The following CDK12 variants were observed in gnomAD, a reference collection of about 807,000 sequenced individuals.
CDK12 encodes cyclin-dependent kinase 12.
CDK12 carries 17 observed loss-of-function variants against 133.8 expected under a neutral mutation model. The ratio of observed to expected loss-of-function variants is 0.13; its 90% CI spans 0.09 to 0.19. CDK12 has a LOEUF of 0.19. Among genes scored for constraint, CDK12 ranks in the 10% least tolerant of loss-of-function variants. The pLI, the probability that CDK12 is intolerant of heterozygous loss-of-function variation, is 1.00. For synonymous variants in CDK12, 694 were observed against 683.6 expected (o/e 1.02, Z -0.24); for missense variants, 1,508 against 1,818.7 (o/e 0.83, Z 3.11).
chr17:39,463,202 C>T (rs2049069397), intron 1 of CDK12, 85 bp downstream of exon 1: 1 of 1,192,404 alleles, frequency 8.4e-7, no homozygotes, highest in Non-Finnish European at 1.2e-6. Flanking sequence ...GTCTGGAAGC[C>T]CGCAGTGTTC....
Position 39,530,749 on chromosome 17 carries a change from G to A in CDK12, c.3906G>A (p.Leu1302=), listed in dbSNP as rs2146832920. The A allele has an allele frequency of 6.2e-7, 1 of 1,613,998 alleles. No individual in the cohort carries two copies. Among genetic ancestry groups the A allele is most frequent in the East Asian group, 2.2e-5 (1 of 44,862 alleles). Reference sequence around the variant, plus strand: ...ACCCAGCCGTGACAGCCGCCTTGCTGCAACTTTTATCCCAGCCTGAAGCAG... The same window carrying A: ...ACCCAGCCGTGACAGCCGCCTTGCTACAACTTTTATCCCAGCCTGAAGCAG... ...ELNPAVTAAL[L]QLLSQPEAEP... The change falls in exon 14 of 14, where the codon CTG becomes CTA. Residue 1302 remains leucine (L), a synonymous_variant. Transcript: ENST00000447079.
intron 2 of CDK12, among the ~76,000 whole-genome samples, chr17:39,483,070 G>A (rs559612786): frequency 3.3e-5 from 5 of 151,890 alleles, no homozygotes; most frequent in Non-Finnish European, 7.4e-5. Flanking sequence ...GTGCCACCAC[G>A]CCTGGCTAAT....
chr17:39,559,116 C>T (rs1253751884), intron 3 of CDK12, among the ~76,000 whole-genome samples: 1 of 152,158 alleles, frequency 6.6e-6, no homozygotes, highest in Non-Finnish European at 1.5e-5. Flanking sequence ...CCCCTTTTCC[C>T]TCCTATACCT....
At chr17:39,498,265 C>T (rs1397465653) in intron 5 of CDK12, among the ~76,000 whole-genome samples, 1 of 151,916 alleles carries the variant, frequency 6.6e-6, no homozygotes, top group African/African-American at 2.4e-5. Flanking sequence ...CACTCAGTTG[C>T]CCAGGCTGGA....
intron 10 of CDK12, among the ~76,000 whole-genome samples, chr17:39,518,471 C>G (rs2053952396): frequency 6.6e-6 from 1 of 152,004 alleles, no homozygotes; most frequent in African/African-American, 2.4e-5. Context: ...AGGAAGATCA[C>G]TCGTGCTACC....
intron 6 of CDK12, among the ~76,000 whole-genome samples, chr17:39,504,635 T>C (rs1314535253): frequency 6.6e-6 from 1 of 151,320 alleles, no homozygotes; most frequent in African/African-American, 2.4e-5. Flanking sequence ...TCCTAACACT[T>C]TGGGAGGCTG....
chr17:39,559,583 T>G (rs1022006754), intron 3 of CDK12, among the ~76,000 whole-genome samples: 1 of 152,190 alleles, frequency 6.6e-6, no homozygotes, highest in Non-Finnish European at 1.5e-5. Context: ...TACATAACTT[T>G]TTAGGATTGT....
chr17:39,488,601 C>T (rs12948906), intron 2 of CDK12, among the ~76,000 whole-genome samples: 94,334 of 151,928 alleles, frequency 0.62, 32,418 homozygotes, highest in South Asian at 0.89. Flanking sequence ...GATTTTTGCA[C>T]CTCTTTAGCG....
intron 1 of CDK12, among the ~76,000 whole-genome samples, chr17:39,467,672 G>A (rs2049449996): frequency 1.3e-5 from 2 of 152,134 alleles, no homozygotes; most frequent in Non-Finnish European, 2.9e-5. Flanking sequence ...GCTGGCATTA[G>A]TGTTTTGGGT....
intron 2 of CDK12, among the ~76,000 whole-genome samples, chr17:39,477,495 C>T (rs1448358816): frequency 6.6e-6 from 1 of 151,968 alleles, no homozygotes; most frequent in African/African-American, 2.4e-5. Context: ...ACCTTGGCCT[C>T]CCAAAGTGCT....
At chr17:39,538,111 G>A (rs1278036328), downstream of CDK12, among the ~76,000 whole-genome samples, 3 of 152,104 alleles carry the variant, frequency 2.0e-5, no homozygotes, top group Non-Finnish European at 4.4e-5. Flanking sequence ...GAAAAGATGG[G>A]CAAATATGTT....
intron 7 of CDK12, 95 bp downstream of exon 7, chr17:39,509,856 C>G: frequency 1.1e-6 from 1 of 942,286 alleles, no homozygotes; most frequent in Admixed American, 1.8e-5. Flanking sequence ...GGCTGGAGTG[C>G]GTGGCTTGAT....
At chr17:39,505,253 G>A (rs1365672785) in intron 6 of CDK12, among the ~76,000 whole-genome samples, 13 of 145,610 alleles carry the variant, frequency 8.9e-5, no homozygotes, top group East Asian at 2.0e-4. Flanking sequence ...AAGGCCAGGC[G>A]CGGTGGCTCA....
chr17:39,504,101 T>TCC (rs2052926260), intron 6 of CDK12, among the ~76,000 whole-genome samples: 1 of 152,108 alleles, frequency 6.6e-6, no homozygotes, highest in Non-Finnish European at 1.5e-5. Context: ...TTAGAGAAAG[T>TCC]AAGATAACTC....
At chr17:39,492,985 T>TTTTGTTTG in intron 4 of CDK12, 95 bp downstream of exon 4, 1 of 1,102,746 alleles carries the variant, frequency 9.1e-7, no homozygotes, top group Non-Finnish European at 1.3e-6. Flanking sequence ...TTCTGAGGTG[T>TTTTGTTTG]TTTGTTTGTT....
At chr17:39,476,711 C>CATTTTTTT (rs1555553398) in intron 2 of CDK12, among the ~76,000 whole-genome samples, 1,012 of 84,530 alleles carry the variant, frequency 0.012, 301 homozygotes, top group Middle Eastern at 0.039. Context: ...CCATGCCTGC[C>CATTTTTTT]TTTTTTTTTT....
chr17:39,533,865 G>A lies in CDK12; in HGVS notation c.*2549G>A, dbSNP rs532799178. The stretch of plus-strand genomic sequence containing the variant: ...AGAAAAGGTATTTGTTAATTTTTCA[G>A]TTACGTTATCTATAAACATGATGGA... On this transcript the variant is annotated 3_prime_UTR_variant, in exon 14 of 14. Transcript: ENST00000447079. 8.6e-6 allele frequency: 2 copies of A among 232,314 alleles called. No individual in the cohort carries two copies. The highest frequency in any genetic ancestry group is 1.2e-4 in the East Asian group (2 of 16,468). The allele number at this position is 232,314 out of a possible 1,614,324, so 14.4% of individuals were successfully genotyped here. A position where few individuals can be genotyped will look rare whatever the true frequency, so the allele number is the denominator to read the frequency against.
chr17:39,566,072 T>C (rs1003282402), downstream of CDK12, among the ~76,000 whole-genome samples: 5 of 152,236 alleles, frequency 3.3e-5, no homozygotes, highest in African/African-American at 7.2e-5. Context: ...AAAGCCCTTG[T>C]TGCTTCATCT....
At chr17:39,523,774 C>G (rs1195866153) in intron 11 of CDK12, among the ~76,000 whole-genome samples, 1 of 152,010 alleles carries the variant, frequency 6.6e-6, no homozygotes, top group Non-Finnish European at 1.5e-5. Flanking sequence ...CTGCTTCAGC[C>G]TCCTTAGTAG....
Sources: gnomAD v4.1 joint callset for allele counts (sites outside exome capture counted in the v4.1 genomes callset) on GRCh38, gnomAD v4.1.1 for gene constraint, MANE v1.5 for transcripts, NCBI Gene and HGNC (gene_info 2026-07-23, HGNC 2026-07-21) for gene names.